The following TMEM132C variants were observed in gnomAD, a reference collection of about 807,000 sequenced individuals.
The protein encoded by TMEM132C is protein phosphatase 1, regulatory subunit 152.
Under a neutral mutation model 61.4 loss-of-function variants are expected in TMEM132C, and 29 were observed. That is an observed-to-expected ratio of 0.47 (90% CI 0.35 to 0.64). The LOEUF is 0.64. TMEM132C is among the 30% of genes least tolerant of loss of function. TMEM132C has a pLI of 0.00. For synonymous variants in TMEM132C, 656 were observed against 633.1 expected, an observed-to-expected ratio of 1.04 and a Z score of -0.54; for missense variants, 1,408 against 1,476.9, an observed-to-expected ratio of 0.95 and a Z score of 0.76.
At chr12:128,581,714 G>A (rs1332205368) in intron 3 of TMEM132C, among the ~76,000 whole-genome samples, 2 of 152,166 alleles carry the variant, frequency 1.3e-5, no homozygotes, top group African/African-American at 4.8e-5. Context: ...TAGCTCGAGG[G>A]GGCTCTGGTT....
intron 1 of TMEM132C, among the ~76,000 whole-genome samples, chr12:128,394,907 CAAAAAAA>C (rs59086773): frequency 0.082 from 10,828 of 132,308 alleles, 1,271 homozygotes; most frequent in African/African-American, 0.27. Flanking sequence ...CCTTATTTTC[CAAAAAAA>C]AAAAAAAATC....
intron 2 of TMEM132C, among the ~76,000 whole-genome samples, chr12:128,427,385 GGGGTGTGTGTGTGTGTGT>G (rs1869223963): frequency 9.9e-6 from 1 of 100,706 alleles, no homozygotes; most frequent in African/African-American, 4.0e-5. Flanking sequence ...TACTTCCAAA[GGGGTGTGTGTGTGTGTGT>G]GTGTGTGTGT....
intron 4 of TMEM132C, among the ~76,000 whole-genome samples, chr12:128,643,306 C>A (rs1324017354): frequency 6.6e-6 from 1 of 152,174 alleles, no homozygotes; most frequent in Non-Finnish European, 1.5e-5. Flanking sequence ...TTGAATTAAT[C>A]CAAGAGATCA....
intron 2 of TMEM132C, among the ~76,000 whole-genome samples, chr12:128,442,373 G>A (rs1869827477): frequency 6.6e-6 from 1 of 152,218 alleles, no homozygotes; most frequent in South Asian, 2.1e-4. Flanking sequence ...TAAACCTGGG[G>A]CCATGGCCCT....
chr12:128,575,789 A>G (rs1169893470), intron 3 of TMEM132C, among the ~76,000 whole-genome samples: 2 of 152,222 alleles, frequency 1.3e-5, no homozygotes, highest in African/African-American at 4.8e-5. Context: ...TACAAACATC[A>G]TAGAATCAAA....
In TMEM132C at chr12:128,514,318, A is replaced by T. The variant is rs1038007993; in HGVS notation, c.975-29639A>T. Among the ~76,000 whole-genome samples the T allele has an allele frequency of 6.6e-5, 10 of 152,316 alleles. No individual in the cohort carries two copies. In the East Asian group the frequency reaches 1.9e-3, roughly 29 times the overall value. On this transcript the variant is annotated intron_variant, in intron 2 of 8. Coordinates refer to ENST00000435159, the MANE Select transcript of TMEM132C (RefSeq NM_001136103.3). ...AGAGAGCTCACACTCTGTGCTAAGCACCTTCCCGATACGGTCTCCTTCAGT... is the reference window on the plus strand; with the variant it reads ...AGAGAGCTCACACTCTGTGCTAAGCTCCTTCCCGATACGGTCTCCTTCAGT...
chr12:128,414,560 C>T (rs1041049574), intron 1 of TMEM132C, among the ~76,000 whole-genome samples, 172 bp from the exon 2 acceptor site: 3 of 152,080 alleles, frequency 2.0e-5, no homozygotes, highest in Admixed American at 6.5e-5. Flanking sequence ...ATTCGTGGAC[C>T]ATGTAGAATC....
chr12:128,357,234 G>A (rs1873536274), intron 1 of TMEM132C, among the ~76,000 whole-genome samples: 1 of 152,118 alleles, frequency 6.6e-6, no homozygotes, highest in Non-Finnish European at 1.5e-5. Context: ...CCTCCTGGCT[G>A]TCATCCCGTC....
rs976232671 is a variant in TMEM132C, at chr12:128,400,374, T to G, written c.86-14358T>G. ...GCCCCTGGGGTGAAAGGCGTTTGCT[T>G]AAGAGTGAGGGACCTTCTTTCCCAG... On this transcript the variant is annotated intron_variant, in intron 1 of 8. Coordinates refer to ENST00000435159, the MANE Select transcript of TMEM132C (RefSeq NM_001136103.3). Among the ~76,000 whole-genome samples, 7 of 152,294 alleles carry G rather than the reference T, an allele frequency of 4.6e-5. No homozygotes were observed. In the East Asian group the frequency reaches 1.4e-3, roughly 30 times the overall value.
chr12:128,537,039 A>G (rs1873557519), intron 2 of TMEM132C, among the ~76,000 whole-genome samples: 1 of 152,170 alleles, frequency 6.6e-6, no homozygotes, highest in South Asian at 2.1e-4. Flanking sequence ...AGGAGTCATG[A>G]ATATTTATGG....
chr12:128,483,106 T>C (rs1169469440), intron 2 of TMEM132C, among the ~76,000 whole-genome samples: 1 of 149,562 alleles, frequency 6.7e-6, no homozygotes, highest in African/African-American at 2.5e-5. Context: ...AAAATAAAGA[T>C]GAAATTAAAA....
chr12:128,270,658 A>C (rs1870478908), intron 1 of TMEM132C, among the ~76,000 whole-genome samples: 1 of 152,212 alleles, frequency 6.6e-6, no homozygotes, highest in African/African-American at 2.4e-5. Flanking sequence ...CCAACGAATG[A>C]TGCTCTTGTC....
At chr12:128,669,691 C>A in intron 5 of TMEM132C, 131 bp downstream of exon 5, 1 of 1,150,244 alleles carries the variant, frequency 8.7e-7, no homozygotes, top group Non-Finnish European at 1.2e-6. Flanking sequence ...ACACTTCCAG[C>A]TGATCCACTC....
intron 2 of TMEM132C, among the ~76,000 whole-genome samples, chr12:128,512,669 G>A (rs1320458363): frequency 6.6e-6 from 1 of 152,224 alleles, no homozygotes; most frequent in Non-Finnish European, 1.5e-5. Context: ...AGGCAGAGGA[G>A]AGCTGCTGGA....
At chr12:128,698,043 A>T (rs1305996231) in intron 8 of TMEM132C, among the ~76,000 whole-genome samples, 1 of 152,180 alleles carries the variant, frequency 6.6e-6, no homozygotes, top group Non-Finnish European at 1.5e-5. Flanking sequence ...TACCACATAA[A>T]GCATGTTTCT....
At chr12:128,276,520 G>A (rs1444791284) in intron 1 of TMEM132C, among the ~76,000 whole-genome samples, 1 of 152,144 alleles carries the variant, frequency 6.6e-6, no homozygotes, top group Non-Finnish European at 1.5e-5. Flanking sequence ...CTTAGTGTTA[G>A]GATATTCTTG....
At chr12:128,390,098 T>C (rs1874714276) in intron 1 of TMEM132C, among the ~76,000 whole-genome samples, 1 of 152,154 alleles carries the variant, frequency 6.6e-6, no homozygotes, top group African/African-American at 2.4e-5. Flanking sequence ...CTCAAATGCA[T>C]GGGCTCAAGT....
chr12:128,442,267 G>C (rs1869823605), intron 2 of TMEM132C, among the ~76,000 whole-genome samples: 1 of 152,172 alleles, frequency 6.6e-6, no homozygotes, highest in African/African-American at 2.4e-5. Context: ...TATGGCTTCT[G>C]TTCTTGCCAA....
chr12:128,464,814 A>AGAAAGAGAGAAAG (rs1204922690), intron 2 of TMEM132C, among the ~76,000 whole-genome samples: 1 of 136,164 alleles, frequency 7.3e-6, no homozygotes, highest in Non-Finnish European at 1.7e-5. Flanking sequence ...GGGAGGAAGG[A>AGAAAGAGAGAAAG]AGAAAATAAA....
Sources: allele counts gnomAD v4.1 joint callset (sites outside exome capture counted in the v4.1 genomes callset), GRCh38; gene constraint gnomAD v4.1.1; transcripts MANE v1.5; gene names NCBI Gene and HGNC (gene_info 2026-07-23, HGNC 2026-07-21).